The following TP53I11 variants were observed in gnomAD, a reference collection of about 807,000 sequenced individuals.
TP53I11 encodes the protein tumor protein p53-inducible protein 11.
TP53I11 carries 9 observed loss-of-function variants against 23.3 expected under a neutral mutation model. That is an observed-to-expected ratio of 0.39 (90% CI 0.23 to 0.67). The LOEUF is 0.67. Among genes scored for constraint, TP53I11 ranks in the 30% least tolerant of loss-of-function variants. The pLI, the probability that TP53I11 is intolerant of heterozygous loss-of-function variation, is 0.48. For missense variants in TP53I11, 170 were observed against 255.2 expected (o/e 0.67, Z 2.27); for synonymous variants, 100 against 106.1 (o/e 0.94, Z 0.35).
At chr11:44,941,877 G>A (rs930408887) in intron 1 of TP53I11, among the ~76,000 whole-genome samples, 6 of 152,082 alleles carry the variant, frequency 3.9e-5, no homozygotes, top group East Asian at 1.9e-4. Flanking sequence ...GCCCACCTCC[G>A]AGGGGCAGAA....
In TP53I11 at chr11:44,936,656, A is replaced by C. The variant is rs1051726678; in HGVS notation, c.334+147T>G. On this transcript the variant is annotated intron_variant, in intron 5 of 6. Coordinates refer to ENST00000525680, the MANE Select transcript of TP53I11 (RefSeq NM_006034.5). The surrounding 1 kb of genome is among the most constrained non-coding windows in gnomAD (Gnocchi z 4.4). The stretch of plus-strand genomic sequence containing the variant: ...AGATGGCAGCACATCCCCAGCAGAG[A>C]GCTTCATCAGAGGCCGGGGTGTGGG... 4 of 1,367,632 alleles carry C rather than the reference A, an allele frequency of 2.9e-6. No homozygotes were observed. Among genetic ancestry groups the C allele is most frequent in the African/African-American group, 1.5e-5 (1 of 66,226 alleles). 84.7% of individuals were successfully genotyped at this position (1,367,632 alleles called of 1,614,324 possible).
At position 44,950,794 on chromosome 11, in the gene TP53I11, GCAGGGCAGGGCAGGA is replaced by G. The variant is rs1345857614; in HGVS notation, c.-164_-150del. On this transcript the variant is annotated 5_prime_UTR_variant, in exon 1 of 7. Transcript: ENST00000525680. ...GCCGGGCAGTGCAGGGCAGGGCAGG[GCAGGGCAGGGCAGGA>G]CAGGGCAGGGCAGGGCAGGGCCGGG... The G allele has an allele frequency of 1.5e-5, 2 of 132,284 alleles. No homozygotes were observed. Among genetic ancestry groups the G allele is most frequent in the African/African-American group, 2.6e-5 (1 of 38,602 alleles). 8.2% of individuals were successfully genotyped at this position (132,284 alleles called of 1,614,324 possible). A position where few individuals can be genotyped will look rare whatever the true frequency, so the allele number is the denominator to read the frequency against.
intron 1 of TP53I11, among the ~76,000 whole-genome samples, chr11:44,942,094 ACAC>A (rs1861866231): frequency 7.0e-6 from 1 of 142,034 alleles, no homozygotes; most frequent in South Asian, 2.3e-4. Context: ...CAAACTACAC[ACAC>A]CACACAATAC....
rs570735158 is a variant in TP53I11 at position 44,937,475 on chromosome 11, C to T, written c.188+80G>A. The T allele has an allele frequency of 7.7e-6, 12 of 1,565,948 alleles. No individual in the cohort carries two copies. In the South Asian group the frequency reaches 1.2e-4, roughly 15 times the overall value. On this transcript the variant is annotated intron_variant, in intron 3 of 6. Coordinates refer to ENST00000525680, the MANE Select transcript of TP53I11 (RefSeq NM_006034.5). ...GACAAAATAAAATCCAGGGACCAGG[C>T]CAAATGAGGTGAGGTCTTATGCATT...
chr11:44,946,595 C>T (rs147369322), intron 1 of TP53I11, among the ~76,000 whole-genome samples: 409 of 152,338 alleles, frequency 2.7e-3, no homozygotes, highest in African/African-American at 9.5e-3. Context: ...AAAGGTTCCA[C>T]GCCCCATTTC....
At chr11:44,948,712 A>T (rs1862622550) in intron 1 of TP53I11, among the ~76,000 whole-genome samples, 1 of 152,214 alleles carries the variant, frequency 6.6e-6, no homozygotes, top group African/African-American at 2.4e-5. Flanking sequence ...TGTAATGCTC[A>T]CAAACATTTT....
intron 1 of TP53I11, among the ~76,000 whole-genome samples, chr11:44,949,194 C>T (rs1465898224): frequency 2.6e-5 from 4 of 152,154 alleles, no homozygotes; most frequent in Admixed American, 2.6e-4. Context: ...TCTCCTTTCT[C>T]GAAGTCTGGG....
At chr11:44,942,334 A>T (rs563053486) in intron 1 of TP53I11, among the ~76,000 whole-genome samples, 16 of 143,262 alleles carry the variant, frequency 1.1e-4, no homozygotes, top group African/African-American at 3.9e-4. Context: ...CACCATAGAC[A>T]CCACACACAC....
At chr11:44,942,447 CACACACACACACACAT>C (rs1861980500) in intron 1 of TP53I11, among the ~76,000 whole-genome samples, 1 of 146,776 alleles carries the variant, frequency 6.8e-6, no homozygotes, top group Admixed American at 6.8e-5. Flanking sequence ...CACACACACA[CACACACACACACACAT>C]ACACACACAG....
intron 1 of TP53I11, among the ~76,000 whole-genome samples, chr11:44,946,771 G>C (rs894371058): frequency 6.6e-6 from 1 of 152,156 alleles, no homozygotes; most frequent in African/African-American, 2.4e-5. Context: ...TTGGGGCTCA[G>C]TTTCTTTGTC....
At chr11:44,945,575 G>A (rs557257346) in intron 1 of TP53I11, among the ~76,000 whole-genome samples, 111 of 152,164 alleles carry the variant, frequency 7.3e-4, no homozygotes, top group African/African-American at 2.6e-3. Flanking sequence ...CCTGGTGGTC[G>A]CCAGCATCTG....
intron 1 of TP53I11, 159 bp from the exon 2 acceptor site, chr11:44,938,525 A>C: frequency 1.2e-6 from 1 of 834,286 alleles, no homozygotes; most frequent in African/African-American, 1.8e-5. Flanking sequence ...TTCCTTGTCA[A>C]ATGGGTTGAG....
intron 5 of TP53I11, 101 bp from the exon 6 acceptor site, chr11:44,935,763 C>T: frequency 2.5e-6 from 2 of 812,902 alleles, no homozygotes; most frequent in Non-Finnish European, 4.1e-6. Flanking sequence ...TGCTGCAAGA[C>T]AGCTGGGGTC....
chr11:44,936,563 G>T lies in TP53I11; in HGVS notation c.334+240C>A. ...GCCCAGAGGCAGTGCACACACTTAT[G>T]AGCGCTCCTTGCAGATGGTGGCGAC... is the stretch of plus-strand genomic sequence containing the variant. On this transcript the variant is annotated intron_variant, in intron 5 of 6. Coordinates refer to ENST00000525680, the MANE Select transcript of TP53I11 (RefSeq NM_006034.5). This position sits in a 1 kb window ranked among gnomAD's most constrained non-coding sequence, Gnocchi z 4.4. 1.5e-6 allele frequency: 2 copies of T among 1,306,198 alleles called. No individual in the cohort carries two copies. The highest frequency in any genetic ancestry group is 2.3e-5 in the South Asian group (1 of 43,226). The allele number at this position is 1,306,198 out of a possible 1,614,324, so 80.9% of individuals were successfully genotyped here. A position where few individuals can be genotyped will look rare whatever the true frequency, so the allele number is the denominator to read the frequency against.
intron 1 of TP53I11, among the ~76,000 whole-genome samples, chr11:44,941,754 TCTAA>T (rs1290516299): frequency 6.6e-6 from 1 of 151,888 alleles, no homozygotes; most frequent in Non-Finnish European, 1.5e-5. Context: ...AGGAAATGGA[TCTAA>T]CTAACACTTC....
rs56662172 is a variant in TP53I11 at position 44,942,429 on chromosome 11, TACACACACACACACACACACACAC to T, written c.-31-4087_-31-4064del. Among the ~76,000 whole-genome samples the T allele has an allele frequency of 4.7e-3, 685 of 146,276 alleles. 5 individuals are homozygous for T. The highest frequency in any genetic ancestry group is 0.017 in the African/African-American group (664 of 39,548). Reference sequence around the variant, plus strand: ...ACACACACACCACACACACACACCATACACACACACACACACACACACACACACACACATACACACACAGAGCAT... The same window carrying T: ...ACACACACACCACACACACACACCATACACACACATACACACACAGAGCAT... On this transcript the variant is annotated intron_variant, in intron 1 of 6. Transcript: ENST00000525680.
Position 44,937,545 on chromosome 11 carries a change from A to T in TP53I11, c.188+10T>A. The T allele has an allele frequency of 6.2e-7, 1 of 1,613,416 alleles. No individual in the cohort carries two copies. Among genetic ancestry groups the T allele is most frequent in the East Asian group, 2.2e-5 (1 of 44,870 alleles). ...CTTCCCCTCCCCCAAAAAGTCAGGTAAATGCTCACCTGAGCCCCAAAGGCT... is the reference window on the plus strand; with the variant it reads ...CTTCCCCTCCCCCAAAAAGTCAGGTTAATGCTCACCTGAGCCCCAAAGGCT... On this transcript the variant is annotated intron_variant, in intron 3 of 6. Coordinates refer to ENST00000525680, the MANE Select transcript of TP53I11 (RefSeq NM_006034.5).
chr11:44,949,655 C>T lies in TP53I11; in HGVS notation c.-32+1022G>A, dbSNP rs553857300. ...CCGCCCCGCCCCGCCCAGCGGGGCG[C>T]GCCGGGGTGGGCGCGGCGTTCTGGC... On this transcript the variant is annotated intron_variant, in intron 1 of 6. Coordinates refer to ENST00000525680, the MANE Select transcript of TP53I11 (RefSeq NM_006034.5). Among the ~76,000 whole-genome samples, 185 of 152,134 alleles carry T rather than the reference C, an allele frequency of 1.2e-3. 1 individual carries two copies. Among genetic ancestry groups the T allele is most frequent in the African/African-American group, 4.3e-3 (179 of 41,506 alleles).
At chr11:44,939,732 G>GA (rs35584431) in intron 1 of TP53I11, among the ~76,000 whole-genome samples, 12 of 152,206 alleles carry the variant, frequency 7.9e-5, no homozygotes, top group African/African-American at 2.9e-4. Context: ...GTCGCATTGG[G>GA]AAAAAAAACT....
Sources: allele counts gnomAD v4.1 joint callset (sites outside exome capture counted in the v4.1 genomes callset), GRCh38; gene constraint gnomAD v4.1.1; non-coding constraint Gnocchi (gnomAD v3.1); transcripts MANE v1.5; gene names NCBI Gene and HGNC (gene_info 2026-07-23, HGNC 2026-07-21).